CENPK: variants seen among roughly 807,000 people sequenced by gnomAD.
The protein encoded by CENPK is SoxLZ/Sox6-binding protein Solt.
In CENPK, 46 loss-of-function variants were observed where a neutral mutation model predicts 40.9. The observed-to-expected ratio is 1.13, with a 90% CI of 0.89 to 1.44. The LOEUF (loss-of-function observed/expected upper bound fraction) is 1.44, where lower values mean the gene tolerates loss of function less well. CENPK is among the 40% of genes most tolerant of loss of function. The pLI is 0.00. For missense variants in CENPK, 288 were observed against 303.5 expected, an observed-to-expected ratio of 0.95 and a Z score of 0.38; for synonymous variants, 107 against 104.4, an observed-to-expected ratio of 1.02 and a Z score of -0.15.
chr5:65,547,911 G>A (rs1017550925), intron 5 of CENPK, among the ~76,000 whole-genome samples: 11 of 152,112 alleles, frequency 7.2e-5, no homozygotes, highest in African/African-American at 1.9e-4. Flanking sequence ...TGATCCACCC[G>A]CCTCGGTCTC....
At chr5:65,561,740 A>C (rs1428622671) in intron 1 of CENPK, among the ~76,000 whole-genome samples, 176 bp from the exon 2 acceptor site, 1 of 149,494 alleles carries the variant, frequency 6.7e-6, no homozygotes. Context: ...CATTTATTGA[A>C]GAAAAACAGT....
At chr5:65,502,255 A>G in the CENPK span, among the ~76,000 whole-genome samples, 61,813 of 151,920 alleles carry the variant, frequency 0.41, 12,928 homozygotes, top group East Asian at 0.65. Flanking sequence ...GGAAACTTTT[A>G]TCTTCCATTG....
In CENPK at chr5:65,539,518, T is replaced by A. The variant is rs528593947; in HGVS notation, c.288+3284A>T. Among the ~76,000 whole-genome samples, 6 of 152,292 alleles carry A rather than the reference T, an allele frequency of 3.9e-5. No homozygotes were observed. In the South Asian group the frequency reaches 1.2e-3, roughly 32 times the overall value. On this transcript the variant is annotated intron_variant, in intron 6 of 10. Transcript: ENST00000396679. Reference sequence around the variant, plus strand: ...CCAACACAATAGGGTAAACATTAAATCTTAAGGCCCAAGAATAATCTTTGG... The same window carrying A: ...CCAACACAATAGGGTAAACATTAAAACTTAAGGCCCAAGAATAATCTTTGG...
At chr5:65,504,162 T>C in the CENPK span, among the ~76,000 whole-genome samples, 2 of 151,298 alleles carry the variant, frequency 1.3e-5, no homozygotes, top group Non-Finnish European at 2.9e-5. Context: ...TATATTTTTT[T>C]AAAAAAAACC....
In CENPK at chr5:65,518,531, C is replaced by T; in HGVS notation, c.754G>A (p.Ala252Thr). The change falls in exon 11 of 11, where the codon GCC becomes ACC. Residue 252 changes from alanine to threonine, a missense_variant. Physicochemically the swap from Ala to Thr is moderately conservative, Grantham distance 58. Coordinates refer to ENST00000396679, the MANE Select transcript of CENPK (RefSeq NM_022145.5). ...YVELLLRNGI[A>T]LRHPEDPTRI... ...GTTGGATCTTCTGGATGTCTCAAGG[C>T]AATTCCATTACGCAGCAGCAGCTCA... 11 of 1,613,422 alleles carry T rather than the reference C, an allele frequency of 6.8e-6. No individual in the cohort carries two copies. Among genetic ancestry groups the T allele is most frequent in the Non-Finnish European group, 9.3e-6 (11 of 1,179,766 alleles).
Position 65,552,502 on chromosome 5 carries a change from T to C in CENPK, c.159A>G (p.Ser53=). 1 of 1,558,094 alleles carries C rather than the reference T, an allele frequency of 6.4e-7. No homozygotes were observed. Among genetic ancestry groups the C allele is most frequent in the Non-Finnish European group, 8.7e-7 (1 of 1,154,244 alleles). ...AGAAAAAGATTCATACCTGAGCATT[T>C]GAATCGGTGAGTGTTTCAGTTCCAA... ...SLIGTETLTD[S]NAQLSLLIMQ... is the part of the protein sequence containing the mutation. The change falls in exon 4 of 11, where the codon TCA becomes TCG. Residue 53 remains serine (S), a synonymous_variant. Transcript: ENST00000396679.
In CENPK at chr5:65,533,497, C is replaced by T. The variant is rs116064347; in HGVS notation, c.289-4298G>A. Among the ~76,000 whole-genome samples, 1,084 of 152,080 alleles carry T rather than the reference C, an allele frequency of 7.1e-3. 9 individuals are homozygous for T. The highest frequency in any genetic ancestry group is 0.025 in the African/African-American group (1,026 of 41,492). ...TAATGGTGAAGGGGCAAATGCTTTCCGATAACATCAGGAACAAGGCAAAGA... is the reference window on the plus strand; with the variant it reads ...TAATGGTGAAGGGGCAAATGCTTTCTGATAACATCAGGAACAAGGCAAAGA... On this transcript the variant is annotated intron_variant, in intron 6 of 10. Transcript: ENST00000396679.
intron 5 of CENPK, among the ~76,000 whole-genome samples, chr5:65,544,150 G>A (rs1309456344): frequency 6.6e-6 from 1 of 152,144 alleles, no homozygotes; most frequent in Non-Finnish European, 1.5e-5. Flanking sequence ...CAGTGCCTTG[G>A]AAGGGTTTGC....
At chr5:65,534,671 T>C (rs2150405607) in intron 6 of CENPK, among the ~76,000 whole-genome samples, 1 of 152,288 alleles carries the variant, frequency 6.6e-6, no homozygotes, top group South Asian at 2.1e-4. Flanking sequence ...GAACAGTCAG[T>C]ATCCAAATGA....
At chr5:65,539,228 A>T (rs1019336880) in intron 6 of CENPK, among the ~76,000 whole-genome samples, 2 of 152,312 alleles carry the variant, frequency 1.3e-5, no homozygotes, top group Non-Finnish European at 2.9e-5. Context: ...CATTCATTCC[A>T]TCCCAATAGC....
At chr5:65,532,910 CAAAAAAAAAAAA>C (rs60713724) in intron 6 of CENPK, among the ~76,000 whole-genome samples, 3 of 37,012 alleles carry the variant, frequency 8.1e-5, no homozygotes, top group Admixed American at 5.8e-4. Flanking sequence ...ACTCCATCTC[CAAAAAAAAAAAA>C]AAAAAAAAAA....
chr5:65,561,102 T>A (rs911589586), intron 2 of CENPK: 2 of 152,590 alleles, frequency 1.3e-5, no homozygotes, highest in Non-Finnish European at 2.9e-5. Flanking sequence ...TAAATATATA[T>A]ATATAAGTAC....
chr5:65,508,499 T>C, the CENPK span, among the ~76,000 whole-genome samples: 1 of 152,140 alleles, frequency 6.6e-6, no homozygotes, highest in Non-Finnish European at 1.5e-5. Context: ...AAGTTAAAAC[T>C]ATGGGCCAGA....
chr5:65,532,069 T>A (rs1327513296), intron 6 of CENPK, among the ~76,000 whole-genome samples: 1 of 152,158 alleles, frequency 6.6e-6, no homozygotes, highest in African/African-American at 2.4e-5. Context: ...AGAGGTGACA[T>A]CACTACAAAC....
At position 65,528,549 on chromosome 5, in the gene CENPK, A is replaced by C. The variant is rs1203948509; in HGVS notation, c.500T>G (p.Leu167Arg). 1 of 1,570,606 alleles carries C rather than the reference A, an allele frequency of 6.4e-7. No homozygotes were observed. Among genetic ancestry groups the C allele is most frequent in the Admixed American group, 2.0e-5 (1 of 49,252 alleles). ...RIFNELKTKM[L>R]NIKEYKEKLL... is the part of the protein sequence containing the mutation. ...TTTCTCCTTATATTCTTTTATATTA[A>C]GCATTTTAGTTTTCAGTTCATTAAA... The change falls in exon 9 of 11, where the codon CTT (leucine) becomes CGT (arginine). Residue 167 changes from leucine (L) to arginine (R), a missense_variant. Coordinates refer to ENST00000396679, the MANE Select transcript of CENPK (RefSeq NM_022145.5).
the CENPK span, among the ~76,000 whole-genome samples, chr5:65,503,113 T>A: frequency 6.8e-5 from 10 of 147,938 alleles, no homozygotes; most frequent in South Asian, 4.3e-4. Flanking sequence ...ATGTAATATT[T>A]TTTTTTTTTT....
rs551599072 is a variant in CENPK, at chr5:65,554,927, T to G, written c.-20A>C. 6.0e-4 allele frequency: 857 copies of G among 1,427,848 alleles called. 11 individuals carry two copies. In the South Asian group the frequency reaches 8.1e-3, roughly 13 times the overall value. 88.4% of individuals were successfully genotyped at this position (1,427,848 alleles called of 1,614,324 possible). On this transcript the variant is annotated 5_prime_UTR_variant, in exon 3 of 11. Transcript: ENST00000396679. ...ATTCATTGATATATGCTTTGTGAAT[T>G]TTTAGCCTTATAAGAAAAACTAAAG...
In CENPK at chr5:65,549,462, C is replaced by A. The variant is rs149259961; in HGVS notation, c.241+2102G>T. 5.0e-3 allele frequency among the ~76,000 whole-genome samples: 769 copies of A among 152,320 alleles called. 4 individuals are homozygous for A. Among genetic ancestry groups the A allele is most frequent in the Non-Finnish European group, 8.0e-3 (546 of 68,032 alleles). On this transcript the variant is annotated intron_variant, in intron 5 of 10. Transcript: ENST00000396679. The stretch of plus-strand genomic sequence containing the variant: ...GTCCTTTTGAAGCTTTGGAGCCAGG[C>A]ATCAACTTCTCTCTAACTATAAGAG...
downstream of CENPK, among the ~76,000 whole-genome samples, chr5:65,516,473 T>C (rs1008170348): frequency 2.6e-5 from 4 of 152,154 alleles, no homozygotes; most frequent in South Asian, 4.1e-4. Flanking sequence ...TCTCTGATTA[T>C]TGCAAAACAA....
Sources: allele counts gnomAD v4.1 joint callset (sites outside exome capture counted in the v4.1 genomes callset), GRCh38; gene constraint gnomAD v4.1.1; transcripts MANE v1.5; gene names NCBI Gene and HGNC (gene_info 2026-07-23, HGNC 2026-07-21).